Variants in STT3A observed in about 807,000 individuals in gnomAD.
STT3A encodes STT3 oligosaccharyltransferase complex catalytic subunit A.
Under a neutral mutation model 89.2 loss-of-function variants are expected in STT3A, and 34 were observed. The observed-to-expected ratio is 0.38, with a 90% confidence interval of 0.29 to 0.51. STT3A has a LOEUF of 0.51. Among genes scored for constraint, STT3A ranks in the 20% least tolerant of loss-of-function variants. STT3A has a pLI of 0.89. For missense variants in STT3A, 555 were observed against 889.5 expected, an observed-to-expected ratio of 0.62 and a Z score of 4.78; for synonymous variants, 282 against 310.3, an observed-to-expected ratio of 0.91 and a Z score of 0.96.
At chr11:125,592,331 G>A, upstream of STT3A, 2 of 453,060 alleles carry the variant, frequency 4.4e-6, no homozygotes, top group Non-Finnish European at 8.9e-6. Context: ...GTCTGGACCA[G>A]TCCGCGTTTG....
At chr11:125,603,601 CTT>C (rs1186989690) in intron 5 of STT3A, 2 of 153,232 alleles carry the variant, frequency 1.3e-5, no homozygotes, top group African/African-American at 4.8e-5. Flanking sequence ...ACAGACAAGT[CTT>C]TACTTTTTTG....
intron 6 of STT3A, among the ~76,000 whole-genome samples, chr11:125,605,097 T>TTTG (rs564678771): frequency 2.3e-4 from 33 of 144,906 alleles, no homozygotes; most frequent in Non-Finnish European, 3.7e-4. Flanking sequence ...AGACCCTGTT[T>TTTG]TTGTTGTTGT....
rs1486026505 is a variant in STT3A at position 125,612,665 on chromosome 11, C to T, written c.1283C>T (p.Thr428Ile). ...SGIGVSQVLS[T>I]YMKNLDISRP... Reference sequence around the variant, plus strand: ...ATTGGAGTCTCCCAGGTGCTGTCCACATACATGAAGAATCTGGACATAAGT... The same window carrying T: ...ATTGGAGTCTCCCAGGTGCTGTCCATATACATGAAGAATCTGGACATAAGT... The change falls in exon 12 of 18, where the codon ACA (threonine) becomes ATA (isoleucine). Residue 428 changes from threonine to isoleucine, a missense_variant. Physicochemically the swap from Thr to Ile is moderately conservative, Grantham distance 89. Around this residue, in one of 5 missense-constraint regions of STT3A, gnomAD observed 273 missense variants for 449.8 expected, o/e 0.61. Transcript: ENST00000392708. 12 of 1,614,168 alleles carry T rather than the reference C, an allele frequency of 7.4e-6. No individual in the cohort carries two copies. The highest frequency in any genetic ancestry group is 1.0e-5 in the Non-Finnish European group (12 of 1,180,012).
At chr11:125,607,575 GC>G (rs1452350553) in intron 8 of STT3A, among the ~76,000 whole-genome samples, 2 of 152,188 alleles carry the variant, frequency 1.3e-5, no homozygotes, top group African/African-American at 2.4e-5. Context: ...AAATTCTAGA[GC>G]CCCAACACAG....
chr11:125,602,971 A>G, intron 5 of STT3A, 23 bp downstream of exon 5: 1 of 1,613,466 alleles, frequency 6.2e-7, no homozygotes. Context: ...GGGTGACAGG[A>G]GGCTTGGGAA....
intron 3 of STT3A, among the ~76,000 whole-genome samples, chr11:125,599,878 G>A (rs1286540400): frequency 4.3e-5 from 6 of 139,718 alleles, no homozygotes; most frequent in African/African-American, 1.3e-4. Context: ...TTACAGGCAC[G>A]CGCCACCACG....
chr11:125,618,154 T>C (rs1459033234), intron 15 of STT3A, among the ~76,000 whole-genome samples: 1 of 152,184 alleles, frequency 6.6e-6, no homozygotes, highest in East Asian at 1.9e-4. Context: ...TCTGGACTAG[T>C]AGCGTAGGAT....
chr11:125,599,996 T>C (rs1050012916), intron 3 of STT3A, among the ~76,000 whole-genome samples: 9 of 152,052 alleles, frequency 5.9e-5, no homozygotes, highest in Non-Finnish European at 8.8e-5. Flanking sequence ...CCCAAAGTGC[T>C]GGGATAACAG....
At chr11:125,616,740 C>T (rs1458603656) in intron 15 of STT3A, among the ~76,000 whole-genome samples, 4 of 152,168 alleles carry the variant, frequency 2.6e-5, no homozygotes, top group African/African-American at 4.8e-5. Flanking sequence ...TTCAGTGGCA[C>T]GATGTCTGCT....
chr11:125,596,043 A>G lies in STT3A; in HGVS notation c.88+40A>G, dbSNP rs1232481231. On this transcript the variant is annotated intron_variant, in intron 2 of 17. Coordinates refer to ENST00000392708, the MANE Select transcript of STT3A (RefSeq NM_152713.5). ...GAACCTCTCTTTCTTTGGGGATAGA[A>G]AGAAGAAAGTCTAGAAAAAAATTGA... 3.4e-6 allele frequency: 5 copies of G among 1,478,064 alleles called. No homozygotes were observed. The South Asian group carries it at 4.8e-5, about 14-fold the overall frequency. 91.6% of individuals were successfully genotyped at this position (1,478,064 alleles called of 1,614,324 possible).
chr11:125,620,675 A>G (rs1940321368), intron 17 of STT3A, 97 bp from the exon 18 acceptor site: 4 of 1,184,366 alleles, frequency 3.4e-6, no homozygotes, highest in Non-Finnish European at 5.0e-6. Flanking sequence ...GCAGAACCCA[A>G]CATAATCCTG....
intron 11 of STT3A, 125 bp from the exon 12 acceptor site, chr11:125,612,467 T>C: frequency 9.2e-7 from 1 of 1,092,538 alleles, no homozygotes; most frequent in Non-Finnish European, 1.3e-6. Context: ...GTATTTTCTC[T>C]TTCACTTTTT....
chr11:125,603,182 C>G (rs1939734191), intron 5 of STT3A, among the ~76,000 whole-genome samples: 1 of 151,446 alleles, frequency 6.6e-6, no homozygotes, highest in Admixed American at 6.6e-5. Flanking sequence ...ATGTAAATTG[C>G]AACATAAAGA....
intron 3 of STT3A, 70 bp from the exon 4 acceptor site, chr11:125,602,233 T>C (rs1939704757): frequency 1.3e-6 from 2 of 1,534,858 alleles, no homozygotes; most frequent in Non-Finnish European, 1.8e-6. Context: ...TAATGCTGAA[T>C]TTCTCAATGG....
rs1444158284 is a variant in STT3A at position 125,613,985 on chromosome 11, GC to G, written c.1555-100del. 1.1e-6 allele frequency: 1 copy of G among 949,090 alleles called. No individual in the cohort carries two copies. The highest frequency in any genetic ancestry group is 1.6e-5 in the African/African-American group (1 of 61,256). 58.8% of individuals were successfully genotyped at this position (949,090 alleles called of 1,614,324 possible). A position where few individuals can be genotyped will look rare whatever the true frequency, so the allele number is the denominator to read the frequency against. On this transcript the variant is annotated intron_variant, in intron 13 of 17. Coordinates refer to ENST00000392708, the MANE Select transcript of STT3A (RefSeq NM_152713.5). The surrounding 1 kb of genome is among the most constrained non-coding windows in gnomAD (Gnocchi z 4.2). ...ACTTTGTGAAGAAATTGATTAGTTA[GC>G]CAGGTGTCACTTCTGTCAGACCAAA...
At position 125,614,018 on chromosome 11, in the gene STT3A, T is replaced by C; in HGVS notation, c.1555-69T>C. The C allele has an allele frequency of 7.1e-7, 1 of 1,418,226 alleles. No individual in the cohort carries two copies. The highest frequency in any genetic ancestry group is 9.9e-7 in the Non-Finnish European group (1 of 1,008,160). 87.9% of individuals were successfully genotyped at this position (1,418,226 alleles called of 1,614,324 possible). A position where few individuals can be genotyped will look rare whatever the true frequency, so the allele number is the denominator to read the frequency against. Reference sequence around the variant, plus strand: ...TCACTTCTGTCAGACCAAAGATGCCTTCTCTGTTGCATTTGATTTTTAGAG... The same window carrying C: ...TCACTTCTGTCAGACCAAAGATGCCCTCTCTGTTGCATTTGATTTTTAGAG... On this transcript the variant is annotated intron_variant, in intron 13 of 17. Coordinates refer to ENST00000392708, the MANE Select transcript of STT3A (RefSeq NM_152713.5). This position sits in a 1 kb window ranked among gnomAD's most constrained non-coding sequence, Gnocchi z 4.9.
intron 17 of STT3A, among the ~76,000 whole-genome samples, 161 bp downstream of exon 17, chr11:125,620,287 A>G (rs1940311490): frequency 6.6e-6 from 1 of 152,186 alleles, no homozygotes; most frequent in Non-Finnish European, 1.5e-5. Context: ...CTTATTTTAG[A>G]TTGTTCTTAG....
chr11:125,597,142 G>A, intron 3 of STT3A, 23 bp downstream of exon 3: 1 of 1,613,300 alleles, frequency 6.2e-7, no homozygotes. Flanking sequence ...GCTTGATCTG[G>A]TATTATTTCC....
At chr11:125,623,068 C>CAAAAAAAAAA (rs57731974) in exon 18 of STT3A, 1 of 59,162 alleles carries the variant, frequency 1.7e-5, no homozygotes, top group Non-Finnish European at 3.1e-5. Context: ...AAGACTGTCT[C>CAAAAAAAAAA]AAAAAAAAAA....
Sources: gnomAD v4.1 joint callset for allele counts (sites outside exome capture counted in the v4.1 genomes callset) on GRCh38, gnomAD v4.1.1 for gene constraint, gnomAD v4.1.1 regional missense constraint, Gnocchi (gnomAD v3.1) non-coding constraint, MANE v1.5 for transcripts, NCBI Gene and HGNC (gene_info 2026-07-23, HGNC 2026-07-21) for gene names.